The following NOD1 variants were observed in gnomAD, a reference collection of about 807,000 sequenced individuals.
NOD1 encodes nucleotide binding oligomerization domain containing 1.
NOD1 carries 70 observed loss-of-function variants against 81.2 expected under a neutral mutation model. The observed-to-expected ratio is 0.86, with a 90% CI of 0.71 to 1.05. The LOEUF is 1.05. Ranked by LOEUF, NOD1 falls within the 50% of genes least tolerant of loss-of-function variation. The pLI is 0.00. For missense variants in NOD1, 1,233 were observed against 1,228.0 expected (o/e 1.00, Z -0.06); for synonymous variants, 508 against 526.9 (o/e 0.96, Z 0.49).
At chr7:30,475,380 C>T (rs1199116523) in intron 1 of NOD1, among the ~76,000 whole-genome samples, 2 of 152,218 alleles carry the variant, frequency 1.3e-5, no homozygotes, top group African/African-American at 4.8e-5. Flanking sequence ...CAAAATCTGG[C>T]ACTAATCTGG....
chr7:30,469,525 C>CA (rs1165170162), intron 1 of NOD1, among the ~76,000 whole-genome samples: 3 of 152,208 alleles, frequency 2.0e-5, no homozygotes, highest in Non-Finnish European at 2.9e-5. Flanking sequence ...ACACAGCCAA[C>CA]GTCAGCATTC....
intron 9 of NOD1, among the ~76,000 whole-genome samples, chr7:30,438,836 T>G (rs1412006223): frequency 6.6e-6 from 1 of 152,192 alleles, no homozygotes; most frequent in Non-Finnish European, 1.5e-5. Flanking sequence ...TTTTAAAAGT[T>G]GTACAAAGAG....
intron 8 of NOD1, 124 bp downstream of exon 8, chr7:30,446,843 C>G: frequency 1.3e-6 from 1 of 764,066 alleles, no homozygotes; most frequent in South Asian, 1.8e-5. Flanking sequence ...ACTTGACCAA[C>G]ATGGCCCTGG....
chr7:30,434,603 G>A (rs1227392282), intron 11 of NOD1, among the ~76,000 whole-genome samples: 1 of 152,182 alleles, frequency 6.6e-6, no homozygotes, highest in African/African-American at 2.4e-5. Context: ...AGAACAAAAG[G>A]CTAGAAAGGA....
chr7:30,425,731 A>G, intron 13 of NOD1, 21 bp from the exon 14 acceptor site: 1 of 1,557,006 alleles, frequency 6.4e-7, no homozygotes, highest in Non-Finnish European at 8.9e-7. Flanking sequence ...GGAGGAAGAC[A>G]AAAGTACACA....
chr7:30,438,795 T>C (rs148201212), intron 9 of NOD1, among the ~76,000 whole-genome samples: 4 of 152,332 alleles, frequency 2.6e-5, no homozygotes, highest in Admixed American at 2.0e-4. Flanking sequence ...TACTATAGTA[T>C]AGATACATAT....
intron 12 of NOD1, 85 bp from the exon 13 acceptor site, chr7:30,429,542 G>A (rs1783765455): frequency 8.4e-7 from 1 of 1,190,406 alleles, no homozygotes. Flanking sequence ...GGGTGTTTTG[G>A]GATAAGAGAC....
At chr7:30,445,588 G>A (rs1212114683) in intron 9 of NOD1, among the ~76,000 whole-genome samples, 6 of 151,578 alleles carry the variant, frequency 4.0e-5, no homozygotes, top group South Asian at 2.1e-4. Context: ...GTGAAACCCC[G>A]CCTCTACTAA....
chr7:30,476,364 C>A (rs1270122218), intron 1 of NOD1, among the ~76,000 whole-genome samples: 1 of 152,200 alleles, frequency 6.6e-6, no homozygotes. Context: ...AAGTGACCAT[C>A]CATGATGCAC....
Position 30,467,344 on chromosome 7 carries a change from G to GTT in NOD1, c.-351-7305_-351-7304dup, listed in dbSNP as rs55720335. Among the ~76,000 whole-genome samples the GTT allele has an allele frequency of 1.3e-3, 194 of 148,044 alleles. 2 individuals are homozygous for GTT. The highest frequency in any genetic ancestry group is 3.4e-3 in the African/African-American group (135 of 40,290). On this transcript the variant is annotated intron_variant, in intron 1 of 13. Coordinates refer to ENST00000222823, the MANE Select transcript of NOD1 (RefSeq NM_006092.4). This position sits in a 1 kb window ranked among gnomAD's most constrained non-coding sequence, Gnocchi z 4.5. ...GTAGGGTAGGACTTTTATTCGTAAT[G>GTT]TTTTTTTTTTTATAAGAAGGCTATA... is the stretch of plus-strand genomic sequence containing the variant.
chr7:30,457,181 T>G, intron 3 of NOD1, 139 bp from the exon 4 acceptor site: 1 of 486,838 alleles, frequency 2.1e-6, no homozygotes, highest in Non-Finnish European at 3.8e-6. Context: ...GCAAGTTGGC[T>G]CATGACTGTA....
intron 1 of NOD1, among the ~76,000 whole-genome samples, chr7:30,475,693 A>T: frequency 6.6e-6 from 1 of 152,022 alleles, no homozygotes; most frequent in Admixed American, 6.6e-5. Flanking sequence ...GCCTTAGCCA[A>T]CTCTGCACAG....
chr7:30,427,467 C>T (rs1165412206), intron 13 of NOD1, among the ~76,000 whole-genome samples: 1 of 152,236 alleles, frequency 6.6e-6, no homozygotes, highest in Admixed American at 6.5e-5. Flanking sequence ...AACCCTGTGG[C>T]CTGGTGTGGC....
intron 1 of NOD1, among the ~76,000 whole-genome samples, chr7:30,473,543 G>A (rs932272): frequency 0.51 from 76,838 of 151,930 alleles, 20,258 homozygotes; most frequent in African/African-American, 0.65. Flanking sequence ...AGTCAATATC[G>A]GTATCAGATT....
intron 1 of NOD1, among the ~76,000 whole-genome samples, chr7:30,466,684 CA>C (rs1303619046): frequency 3.3e-5 from 5 of 152,066 alleles, no homozygotes; most frequent in Non-Finnish European, 5.9e-5. Context: ...ATAAACAAAA[CA>C]AAAAACCTTC....
At chr7:30,450,835 A>C (rs184644917) in intron 6 of NOD1, among the ~76,000 whole-genome samples, 8 of 152,374 alleles carry the variant, frequency 5.3e-5, no homozygotes, top group Non-Finnish European at 7.3e-5. Flanking sequence ...AAATAGAGAC[A>C]ATAACAGTAC....
intron 1 of NOD1, chr7:30,468,825 A>C: frequency 1.0e-6 from 1 of 985,326 alleles, no homozygotes; most frequent in Non-Finnish European, 1.2e-6. Flanking sequence ...TTTAATCCAC[A>C]GGCTCCACAG....
intron 1 of NOD1, among the ~76,000 whole-genome samples, chr7:30,462,104 C>A (rs997869666): frequency 6.6e-6 from 1 of 152,168 alleles, no homozygotes; most frequent in African/African-American, 2.4e-5. Context: ...AGGTTAAAGA[C>A]GTGAGGTCAC....
intron 8 of NOD1, 150 bp downstream of exon 8, chr7:30,446,817 A>G (rs1413935403): frequency 1.6e-6 from 1 of 642,760 alleles, no homozygotes; most frequent in African/African-American, 1.8e-5. Flanking sequence ...CTCACAGATC[A>G]CACAGAGGTA....
Sources: allele counts gnomAD v4.1 joint callset (sites outside exome capture counted in the v4.1 genomes callset), GRCh38; gene constraint gnomAD v4.1.1; non-coding constraint Gnocchi (gnomAD v3.1); transcripts MANE v1.5; gene names NCBI Gene and HGNC (gene_info 2026-07-23, HGNC 2026-07-21).